The following KCND3 variants were observed in gnomAD, a reference collection of about 807,000 sequenced individuals.
The protein encoded by KCND3 is potassium voltage-gated channel subfamily D member 3, also known as A-type voltage-gated potassium channel KCND3.
In KCND3, 9 loss-of-function variants were observed where a neutral mutation model predicts 51.1. The observed-to-expected ratio is 0.18, with a 90% CI of 0.11 to 0.31. The LOEUF is 0.31. Ranked by LOEUF, KCND3 falls within the 10% of genes least tolerant of loss-of-function variation. The pLI, the probability that KCND3 is intolerant of heterozygous loss-of-function variation, is 1.00. For synonymous variants in KCND3, 349 were observed against 368.0 expected (o/e 0.95, Z 0.59); for missense variants, 526 against 903.8 (o/e 0.58, Z 5.36).
chr1:111,874,704 A>G (rs997839388), intron 2 of KCND3, among the ~76,000 whole-genome samples: 1 of 152,188 alleles, frequency 6.6e-6, no homozygotes, highest in Non-Finnish European at 1.5e-5. Context: ...CCCTGAACAA[A>G]ATAAGCAAGA....
intron 2 of KCND3, among the ~76,000 whole-genome samples, chr1:111,965,704 T>C (rs1457881354): frequency 6.6e-6 from 1 of 152,080 alleles, no homozygotes; most frequent in Non-Finnish European, 1.5e-5. Flanking sequence ...ACATATGCCA[T>C]TCCAAATTTG....
chr1:111,826,246 T>G (rs2101608667), intron 2 of KCND3, among the ~76,000 whole-genome samples: 1 of 152,310 alleles, frequency 6.6e-6, no homozygotes, highest in South Asian at 2.1e-4. Context: ...GTAAATATAG[T>G]TTTTGGCTTT....
At chr1:111,782,938 G>A (rs1285291399) in intron 3 of KCND3, among the ~76,000 whole-genome samples, 1 of 152,118 alleles carries the variant, frequency 6.6e-6, no homozygotes, top group East Asian at 1.9e-4. Flanking sequence ...AGCTCTTGGG[G>A]GCTGGGGCTT....
chr1:111,897,777 G>A (rs554271727), intron 2 of KCND3, among the ~76,000 whole-genome samples: 7 of 152,300 alleles, frequency 4.6e-5, no homozygotes, highest in Non-Finnish European at 7.4e-5. Context: ...ATGGGGAGAG[G>A]GCAGGAGTGA....
intron 2 of KCND3, among the ~76,000 whole-genome samples, chr1:111,885,194 G>A (rs943322188): frequency 2.6e-5 from 4 of 152,236 alleles, no homozygotes; most frequent in Non-Finnish European, 4.4e-5. Context: ...GGCTGAGAAT[G>A]AGCCTAGTTA....
chr1:111,916,481 C>A (rs1671224486), intron 2 of KCND3, among the ~76,000 whole-genome samples: 2 of 152,068 alleles, frequency 1.3e-5, no homozygotes, highest in Non-Finnish European at 2.9e-5. Flanking sequence ...AGTCTCAAAT[C>A]AATGATCTAA....
chr1:111,890,995 G>A (rs976140093), intron 2 of KCND3, among the ~76,000 whole-genome samples: 5 of 152,158 alleles, frequency 3.3e-5, no homozygotes, highest in African/African-American at 1.2e-4. Flanking sequence ...GTTTGAGGGG[G>A]CGTGGCACTG....
chr1:111,830,844 C>T (rs1206898069), intron 2 of KCND3, among the ~76,000 whole-genome samples: 2 of 152,174 alleles, frequency 1.3e-5, no homozygotes, highest in African/African-American at 2.4e-5. Flanking sequence ...TATTTAAAAA[C>T]ATTTAAAAAT....
intron 2 of KCND3, among the ~76,000 whole-genome samples, chr1:111,980,046 G>A (rs1674857321): frequency 6.6e-6 from 1 of 152,052 alleles, no homozygotes; most frequent in Admixed American, 6.5e-5. Context: ...GCCTAAAAGG[G>A]ATAAAGACGA....
chr1:111,844,701 C>T (rs1447673190), intron 2 of KCND3, among the ~76,000 whole-genome samples: 1 of 152,168 alleles, frequency 6.6e-6, no homozygotes, highest in Non-Finnish European at 1.5e-5. Flanking sequence ...GGTGGCCACC[C>T]ACCTCTCCAT....
chr1:111,932,987 C>A (rs1672052209), intron 2 of KCND3, among the ~76,000 whole-genome samples: 1 of 152,172 alleles, frequency 6.6e-6, no homozygotes, highest in Non-Finnish European at 1.5e-5. Context: ...CACCCAAAAT[C>A]TCATCTTAAA....
At chr1:111,856,398 G>A (rs1252745447) in intron 2 of KCND3, among the ~76,000 whole-genome samples, 1 of 152,198 alleles carries the variant, frequency 6.6e-6, no homozygotes, top group East Asian at 1.9e-4. Context: ...TCATTACAGA[G>A]GATAACATGA....
intron 2 of KCND3, among the ~76,000 whole-genome samples, chr1:111,831,509 T>C (rs1404077883): frequency 6.6e-6 from 1 of 152,228 alleles, no homozygotes; most frequent in East Asian, 1.9e-4. Context: ...CTGGACAGCC[T>C]GCAGAACCAT....
chr1:111,980,121 C>T lies in KCND3; in HGVS notation c.1106+1500G>A, dbSNP rs575934919. 6.6e-5 allele frequency among the ~76,000 whole-genome samples: 10 copies of T among 152,166 alleles called. No homozygotes were observed. The South Asian group carries it at 2.1e-3, about 32-fold the overall frequency. ...AAAATACCCCACTGTGCCAAAAAGCCCACATCTGCCACCTGAGCCAAGAGA... is the reference window on the plus strand; with the variant it reads ...AAAATACCCCACTGTGCCAAAAAGCTCACATCTGCCACCTGAGCCAAGAGA... On this transcript the variant is annotated intron_variant, in intron 2 of 7. Transcript: ENST00000302127.
At chr1:111,812,927 C>G (rs969550626) in intron 2 of KCND3, among the ~76,000 whole-genome samples, 1 of 152,172 alleles carries the variant, frequency 6.6e-6, no homozygotes, top group East Asian at 1.9e-4. Context: ...CTGTGCCCCT[C>G]ACTCCCACCA....
rs72692576 is a variant in KCND3 at position 111,877,122 on chromosome 1, A to G, written c.1107-90016T>C. ...TGTCCTCAAGAAATGGATGTCTCAG[A>G]GATACCATCTATTCTAGAGAAAGAG... On this transcript the variant is annotated intron_variant, in intron 2 of 7. Transcript: ENST00000302127. 7.4e-3 allele frequency among the ~76,000 whole-genome samples: 1,126 copies of G among 152,376 alleles called. 13 individuals carry two copies. The highest frequency in any genetic ancestry group is 0.035 in the East Asian group (184 of 5,190).
At chr1:111,903,448 C>T (rs1166480125) in intron 2 of KCND3, among the ~76,000 whole-genome samples, 4 of 152,210 alleles carry the variant, frequency 2.6e-5, no homozygotes. Flanking sequence ...TGTGGCCAAG[C>T]CTCCGAAAGC....
chr1:111,936,628 C>A lies in KCND3; in HGVS notation c.1106+44993G>T, dbSNP rs374219990. On this transcript the variant is annotated intron_variant, in intron 2 of 7. Transcript: ENST00000302127. Reference sequence around the variant, plus strand: ...GCAGCAGTCAGAAAAGAAGAGAAGGCCCTGGCCACCCTGCCAAGATCTTGG... The same window carrying A: ...GCAGCAGTCAGAAAAGAAGAGAAGGACCTGGCCACCCTGCCAAGATCTTGG... Among the ~76,000 whole-genome samples the A allele has an allele frequency of 3.0e-5, 4 of 133,994 alleles. No individual in the cohort carries two copies. The South Asian group carries it at 7.6e-4, about 25-fold the overall frequency. The allele number at this position is 133,994 out of a possible 152,430, so 87.9% of individuals were successfully genotyped here.
At chr1:111,959,161 G>T (rs1326291860) in intron 2 of KCND3, among the ~76,000 whole-genome samples, 1 of 152,194 alleles carries the variant, frequency 6.6e-6, no homozygotes, top group African/African-American at 2.4e-5. Flanking sequence ...CACAGTTACT[G>T]CTTCTGTGTA....
Sources: allele counts gnomAD v4.1 joint callset (sites outside exome capture counted in the v4.1 genomes callset), GRCh38; gene constraint gnomAD v4.1.1; transcripts MANE v1.5; gene names NCBI Gene and HGNC (gene_info 2026-07-23, HGNC 2026-07-21).